UNC79: variants seen among roughly 807,000 people sequenced by gnomAD.
UNC79 encodes protein unc-79 homolog.
A neutral mutation model predicts 283.1 loss-of-function variants in UNC79; 37 were observed. The ratio of observed to expected loss-of-function variants is 0.13; its 90% CI spans 0.10 to 0.17. The LOEUF is 0.17. Among genes scored for constraint, UNC79 ranks in the 10% least tolerant of loss-of-function variants. The probability of loss-of-function intolerance (pLI) is 1.00; values close to 1 mark genes in which losing one functional copy is unlikely to be tolerated. For synonymous variants in UNC79, 1,107 were observed against 1,200.2 expected, an observed-to-expected ratio of 0.92 and a Z score of 1.61; for missense variants, 2,272 against 3,211.1, an observed-to-expected ratio of 0.71 and a Z score of 7.07.
At chr14:93,370,976 G>A (rs1262241036) in intron 1 of UNC79, among the ~76,000 whole-genome samples, 1 of 152,034 alleles carries the variant, frequency 6.6e-6, no homozygotes. Flanking sequence ...TAGTAATTAA[G>A]AATTTCCCTA....
chr14:93,707,049 A>G (rs1022795002), downstream of UNC79: 41 of 970,478 alleles, frequency 4.2e-5, no homozygotes, highest in Non-Finnish European at 5.9e-5. Flanking sequence ...AAGGCCAGAG[A>G]GGGCCGAAAA....
rs2066829972 is a variant in UNC79, at chr14:93,617,735, G to A, written c.4224+431G>A. Among the ~76,000 whole-genome samples the A allele has an allele frequency of 1.3e-5, 2 of 152,046 alleles. No homozygotes were observed. The highest frequency in any genetic ancestry group is 6.5e-5 in the Admixed American group (1 of 15,268). On this transcript the variant is annotated intron_variant, in intron 28 of 48. Transcript: ENST00000555664. This position sits in a 1 kb window ranked among gnomAD's most constrained non-coding sequence, Gnocchi z 4.5. ...TTTGGTGAAGGAGGAAATGAATATG[G>A]TCCCTTGTAAAAATAAGGCCATGGG...
chr14:93,416,793 T>G (rs2055469991), intron 1 of UNC79, among the ~76,000 whole-genome samples: 1 of 152,310 alleles, frequency 6.6e-6, no homozygotes, highest in East Asian at 1.9e-4. Context: ...CTTTGTCTCT[T>G]TTGATCTTTG....
At chr14:93,672,585 C>T (rs2072978297) in intron 40 of UNC79, among the ~76,000 whole-genome samples, 1 of 152,076 alleles carries the variant, frequency 6.6e-6, no homozygotes. Context: ...GAAATGAGTT[C>T]TAATGTTCAA....
intron 42 of UNC79, 147 bp from the exon 46 acceptor site, chr14:93,686,425 T>G: frequency 1.2e-6 from 1 of 815,930 alleles, no homozygotes; most frequent in Non-Finnish European, 2.0e-6. Context: ...GGGCAGACAG[T>G]CACAGACCAA....
intron 1 of UNC79, chr14:93,347,239 C>A: frequency 6.3e-7 from 1 of 1,581,284 alleles, no homozygotes; most frequent in Non-Finnish European, 8.6e-7. Flanking sequence ...CTGTGCTGTC[C>A]ACGCCTGGCT....
chr14:93,633,253 G>T (rs1448808959), intron 31 of UNC79, among the ~76,000 whole-genome samples: 1 of 152,138 alleles, frequency 6.6e-6, no homozygotes, highest in Non-Finnish European at 1.5e-5. Context: ...CCATGAGTTA[G>T]GTTAATATTG....
At chr14:93,418,131 T>C (rs1003015154) in intron 1 of UNC79, among the ~76,000 whole-genome samples, 1 of 151,796 alleles carries the variant, frequency 6.6e-6, no homozygotes, top group African/African-American at 2.4e-5. Context: ...TGCTCTGTTT[T>C]TTCCCCATCT....
intron 14 of UNC79, among the ~76,000 whole-genome samples, chr14:93,564,670 G>C (rs977171847): frequency 6.6e-6 from 1 of 152,166 alleles, no homozygotes; most frequent in Non-Finnish European, 1.5e-5. Context: ...TCTGGAAAGA[G>C]AGTCAGCGAA....
At position 93,357,770 on chromosome 14, in the gene UNC79, G is replaced by GATATAT. The variant is rs1566889836; in HGVS notation, c.-351+24251_-351+24252insATATAT. 2.0e-3 allele frequency among the ~76,000 whole-genome samples: 127 copies of GATATAT among 62,256 alleles called. 2 individuals are homozygous for GATATAT. The highest frequency in any genetic ancestry group is 0.012 in the African/African-American group (122 of 10,440). 40.8% of individuals were successfully genotyped at this position (62,256 alleles called of 152,430 possible). A position where few individuals can be genotyped will look rare whatever the true frequency, so the allele number is the denominator to read the frequency against. ...ATGGATATATGGATATATATATATG[G>GATATAT]ATATGTGGATATATGGATATATATA... On this transcript the variant is annotated intron_variant, in intron 1 of 49. Coordinates refer to the UNC79 transcript ENST00000256339.
At chr14:93,363,806 C>T (rs147036099) in intron 1 of UNC79, among the ~76,000 whole-genome samples, 403 of 152,050 alleles carry the variant, frequency 2.7e-3, no homozygotes, top group African/African-American at 9.2e-3. Flanking sequence ...GCAAGCTCTG[C>T]CTCCCAGGTT....
chr14:93,655,313 C>A, exon 38 of UNC79: 1 of 1,614,160 alleles, frequency 6.2e-7, no homozygotes, highest in South Asian at 1.1e-5. Context: ...TTCATGGAAG[C>A]TTTGCCTATG....
intron 19 of UNC79, 126 bp from the exon 20 acceptor site, chr14:93,582,077 C>T (rs976096504): frequency 2.1e-6 from 3 of 1,455,748 alleles, no homozygotes; most frequent in Non-Finnish European, 2.8e-6. Flanking sequence ...GTGCCTTGGC[C>T]TCTGGCCTCA....
intron 5 of UNC79, among the ~76,000 whole-genome samples, chr14:93,488,626 C>A (rs2058569523): frequency 6.6e-6 from 1 of 152,052 alleles, no homozygotes. Flanking sequence ...CTGTCTTAGT[C>A]CGTTGGGTTG....
At chr14:93,452,479 C>T (rs555488373) in intron 1 of UNC79, among the ~76,000 whole-genome samples, 1 of 151,470 alleles carries the variant, frequency 6.6e-6, no homozygotes, top group South Asian at 2.1e-4. Context: ...ACCTCCGCCT[C>T]CCAGGTTCAA....
At chr14:93,587,339 G>A (rs1345611370) in intron 22 of UNC79, among the ~76,000 whole-genome samples, 1 of 152,222 alleles carries the variant, frequency 6.6e-6, no homozygotes, top group East Asian at 1.9e-4. Flanking sequence ...AGACTGGTGA[G>A]ACATTTTGAA....
intron 30 of UNC79, among the ~76,000 whole-genome samples, chr14:93,627,509 A>G (rs939186007): frequency 1.3e-5 from 2 of 152,056 alleles, no homozygotes; most frequent in African/African-American, 2.4e-5. Context: ...ATGCCTGCTG[A>G]CCTCGACCTG....
At chr14:93,691,153 C>T (rs2074661705) in intron 45 of UNC79, 1 of 156,806 alleles carries the variant, frequency 6.4e-6, no homozygotes, top group African/African-American at 2.4e-5. Context: ...TGTCTAACCT[C>T]TCTATTATTC....
chr14:93,355,633 T>C (rs1442416168), intron 1 of UNC79, among the ~76,000 whole-genome samples: 1 of 152,200 alleles, frequency 6.6e-6, no homozygotes, highest in African/African-American at 2.4e-5. Context: ...GTGCCTAATT[T>C]TACAGTCTTA....
Sources: allele counts gnomAD v4.1 joint callset (sites outside exome capture counted in the v4.1 genomes callset), GRCh38; gene constraint gnomAD v4.1.1; non-coding constraint Gnocchi (gnomAD v3.1); transcripts MANE v1.5; gene names NCBI Gene and HGNC (gene_info 2026-07-23, HGNC 2026-07-21).